Variants in URB2 observed in about 807,000 individuals in gnomAD.
URB2 encodes unhealthy ribosome biogenesis protein 2 homolog.
URB2 carries 86 observed loss-of-function variants against 120.9 expected under a neutral mutation model. That is an observed-to-expected ratio of 0.71 (90% CI 0.60 to 0.85). The LOEUF (loss-of-function observed/expected upper bound fraction) is 0.85, where lower values mean the gene tolerates loss of function less well. URB2 is among the 40% of genes least tolerant of loss of function. URB2 has a pLI of 0.00. For synonymous variants in URB2, 755 were observed against 758.4 expected, an observed-to-expected ratio of 1.00 and a Z score of 0.07; for missense variants, 1,765 against 1,836.5, an observed-to-expected ratio of 0.96 and a Z score of 0.71.
At chr1:229,649,302 T>A (rs755866096) in intron 7 of URB2, among the ~76,000 whole-genome samples, 61 of 152,246 alleles carry the variant, frequency 4.0e-4, no homozygotes, top group Non-Finnish European at 1.3e-4. Flanking sequence ...ACAATTGCCT[T>A]TGACCCTATT....
intron 8 of URB2, among the ~76,000 whole-genome samples, chr1:229,652,050 T>C (rs1277197175): frequency 6.6e-6 from 1 of 151,898 alleles, no homozygotes; most frequent in Non-Finnish European, 1.5e-5. Context: ...GGCGTGATGG[T>C]GGACTCCTGT....
chr1:229,656,572 G>A (rs1209567913), intron 9 of URB2, among the ~76,000 whole-genome samples: 1 of 152,212 alleles, frequency 6.6e-6, no homozygotes, highest in Non-Finnish European at 1.5e-5. Flanking sequence ...TACTGAGAGA[G>A]CCATAAATCT....
At chr1:229,657,943 A>G (rs1571886387) in intron 9 of URB2, among the ~76,000 whole-genome samples, 1 of 152,218 alleles carries the variant, frequency 6.6e-6, no homozygotes, top group Non-Finnish European at 1.5e-5. Context: ...TCAGGTTATC[A>G]GGGTAGCAAT....
chr1:229,650,023 C>T (rs929393685), intron 7 of URB2, among the ~76,000 whole-genome samples: 2 of 152,328 alleles, frequency 1.3e-5, no homozygotes, highest in South Asian at 4.1e-4. Flanking sequence ...GCAAAAACGA[C>T]TTCTTTCTGA....
intron 9 of URB2, among the ~76,000 whole-genome samples, 164 bp downstream of exon 9, chr1:229,654,552 G>C (rs940445039): frequency 1.3e-5 from 2 of 152,196 alleles, no homozygotes; most frequent in Admixed American, 6.5e-5. Context: ...GAGTGCATTA[G>C]TGCGATGATA....
chr1:229,656,619 G>C (rs1296631603), intron 9 of URB2, among the ~76,000 whole-genome samples: 1 of 152,196 alleles, frequency 6.6e-6, no homozygotes, highest in African/African-American at 2.4e-5. Flanking sequence ...TTAAATACCA[G>C]ATCTAATGCT....
At chr1:229,655,719 G>T (rs1666391370) in intron 9 of URB2, among the ~76,000 whole-genome samples, 1 of 152,198 alleles carries the variant, frequency 6.6e-6, no homozygotes. Flanking sequence ...TCTTCTGTAT[G>T]TATAGATATA....
At chr1:229,644,747 G>C (rs1425817828) in intron 5 of URB2, among the ~76,000 whole-genome samples, 1 of 152,138 alleles carries the variant, frequency 6.6e-6, no homozygotes, top group African/African-American at 2.4e-5. Context: ...AGGGTTGTGG[G>C]GTGGGCTGCA....
At chr1:229,656,550 A>G (rs1666411411) in intron 9 of URB2, among the ~76,000 whole-genome samples, 1 of 152,254 alleles carries the variant, frequency 6.6e-6, no homozygotes. Context: ...TTCCATATGC[A>G]TTAGCAGCTT....
At chr1:229,650,021 G>A (rs1329146191) in intron 7 of URB2, among the ~76,000 whole-genome samples, 2 of 152,230 alleles carry the variant, frequency 1.3e-5, no homozygotes, top group African/African-American at 4.8e-5. Flanking sequence ...TTGCAAAAAC[G>A]ACTTCTTTCT....
At chr1:229,634,165 G>T (rs901675489) in intron 3 of URB2, among the ~76,000 whole-genome samples, 5 of 151,102 alleles carry the variant, frequency 3.3e-5, no homozygotes, top group African/African-American at 7.3e-5. Context: ...CTTTTGCTTT[G>T]GCTTTTTTAA....
rs150767483 is a variant in URB2, at chr1:229,636,341, G to A, written c.1728G>A (p.Met576Ile). 74 of 1,614,238 alleles carry A rather than the reference G, an allele frequency of 4.6e-5. No individual in the cohort carries two copies. The African/African-American group carries it at 7.2e-4, about 16-fold the overall frequency. The change falls in exon 4 of 10, where the codon ATG (methionine) becomes ATA (isoleucine). Residue 576 changes from methionine to isoleucine, a missense_variant. By Grantham distance (10) the Met-to-Ile change is conservative. Transcript: ENST00000258243. ...CACAGTGCATGATGGAGAGGATGAT[G>A]AGGGAGCTCGTGCAGCCCCTGCTGG... ...RRTQCMMERM[M>I]RELVQPLLAL... is the part of the protein sequence containing the mutation.
At position 229,635,967 on chromosome 1, in the gene URB2, C is replaced by A. The variant is rs751447190; in HGVS notation, c.1354C>A (p.Leu452Ile). The A allele has an allele frequency of 6.2e-7, 1 of 1,614,100 alleles. No individual in the cohort carries two copies. Among genetic ancestry groups the A allele is most frequent in the Non-Finnish European group, 8.5e-7 (1 of 1,180,040 alleles). Residue 452 changes from leucine (L) to isoleucine (I), a missense_variant, in exon 4 of 10, where the codon CTT becomes ATT. Leu to Ile is a conservative substitution (Grantham distance 5, BLOSUM62 2). Transcript: ENST00000258243. ...EFRTKKAQEA[L>I]IRTVFQTYAK... ...TCGAACCAAAAAAGCCCAGGAGGCG[C>A]TTATTCGTACTGTCTTCCAGACTTA...
intron 6 of URB2, 132 bp downstream of exon 6, chr1:229,646,101 G>A (rs1339285990): frequency 2.3e-5 from 18 of 768,490 alleles, no homozygotes; most frequent in South Asian, 1.2e-4. Context: ...TCCAAAGGGC[G>A]GTGGTGAGCA....
intron 2 of URB2, among the ~76,000 whole-genome samples, chr1:229,628,118 TG>T (rs933011073): frequency 2.6e-4 from 34 of 130,158 alleles, no homozygotes; most frequent in African/African-American, 8.2e-4. Flanking sequence ...TGTATATATA[TG>T]TATATATACA....
chr1:229,644,881 C>G (rs1666102736), intron 5 of URB2, among the ~76,000 whole-genome samples: 1 of 152,156 alleles, frequency 6.6e-6, no homozygotes, highest in African/African-American at 2.4e-5. Flanking sequence ...CTGCCCACAT[C>G]TCATGGTTTA....
rs1451955788 is a variant in URB2 at position 229,635,663 on chromosome 1, A to C, written c.1050A>C (p.Thr350=). The change falls in exon 4 of 10, where the codon ACA becomes ACC. Residue 350 remains threonine, a synonymous_variant. Coordinates refer to ENST00000258243, the MANE Select transcript of URB2 (RefSeq NM_014777.4). ...AGGAGCAGAGCAAAGCCCTGTCCAC[A>C]TCAGATTGGACCACAGAGCTTTTGG... ...LQEEQSKALS[T]SDWTTELLVV... 2 of 1,614,178 alleles carry C rather than the reference A, an allele frequency of 1.2e-6. No homozygotes were observed. Among genetic ancestry groups the C allele is most frequent in the Non-Finnish European group, 8.5e-7 (1 of 1,180,038 alleles).
intron 2 of URB2, among the ~76,000 whole-genome samples, chr1:229,629,941 C>T (rs1333652858): frequency 6.6e-6 from 1 of 152,240 alleles, no homozygotes; most frequent in African/African-American, 2.4e-5. Flanking sequence ...AAACCACTTT[C>T]TTTGCTTATC....
chr1:229,648,746 C>G (rs888885445), intron 7 of URB2, among the ~76,000 whole-genome samples: 5 of 152,156 alleles, frequency 3.3e-5, no homozygotes, highest in African/African-American at 1.2e-4. Flanking sequence ...CATGGTGCCA[C>G]CACTGTATGT....
Sources: gnomAD v4.1 joint callset for allele counts (sites outside exome capture counted in the v4.1 genomes callset) on GRCh38, gnomAD v4.1.1 for gene constraint, MANE v1.5 for transcripts, NCBI Gene and HGNC (gene_info 2026-07-23, HGNC 2026-07-21) for gene names.